The following CDH18 variants were observed in gnomAD, a reference collection of about 807,000 sequenced individuals.
CDH18 encodes the protein cadherin 18.
CDH18 carries 31 observed loss-of-function variants against 67.9 expected under a neutral mutation model. The observed-to-expected ratio is 0.46, with a 90% CI of 0.34 to 0.62. The LOEUF (loss-of-function observed/expected upper bound fraction) is 0.62. Among genes scored for constraint, CDH18 ranks in the 20% least tolerant of loss-of-function variants. The pLI is 0.01. For missense variants in CDH18, 890 were observed against 975.5 expected (o/e 0.91, Z 1.17); for synonymous variants, 362 against 347.2 (o/e 1.04, Z -0.48).
intron 2 of CDH18, among the ~76,000 whole-genome samples, chr5:20,048,393 A>G (rs1422842218): frequency 1.3e-5 from 2 of 151,788 alleles, no homozygotes; most frequent in Admixed American, 6.6e-5. Flanking sequence ...GAAGATAAAC[A>G]CTACCCTCTT....
chr5:20,216,360 G>A (rs542173683), intron 2 of CDH18, among the ~76,000 whole-genome samples: 28 of 151,900 alleles, frequency 1.8e-4, no homozygotes, highest in African/African-American at 6.7e-4. Flanking sequence ...ATGAAGCAAA[G>A]CATTTTATAG....
intron 1 of CDH18, among the ~76,000 whole-genome samples, chr5:20,504,204 A>G (rs1012255676): frequency 6.6e-6 from 1 of 152,038 alleles, no homozygotes; most frequent in Non-Finnish European, 1.5e-5. Flanking sequence ...TCTAAGGATT[A>G]GGTCATCCAG....
intron 1 of CDH18, among the ~76,000 whole-genome samples, chr5:20,326,765 T>G (rs534037326): frequency 6.6e-6 from 1 of 152,256 alleles, no homozygotes; most frequent in South Asian, 2.1e-4. Context: ...ATGGTCTCGA[T>G]CTCCTGACCT....
At chr5:20,368,701 A>T (rs974380262) in intron 1 of CDH18, among the ~76,000 whole-genome samples, 2 of 152,200 alleles carry the variant, frequency 1.3e-5, no homozygotes, top group African/African-American at 4.8e-5. Context: ...TTGGCACAAA[A>T]AGCAAAGCAT....
chr5:20,233,159 AAT>A (rs958110312), intron 2 of CDH18, among the ~76,000 whole-genome samples: 4 of 150,952 alleles, frequency 2.6e-5, no homozygotes, highest in South Asian at 2.1e-4. Context: ...TGTGTATCTG[AAT>A]ATATATATAA....
intron 1 of CDH18, among the ~76,000 whole-genome samples, chr5:20,313,917 T>C (rs941962683): frequency 6.6e-6 from 1 of 152,040 alleles, no homozygotes; most frequent in Non-Finnish European, 1.5e-5. Context: ...AACATGTACA[T>C]TGCTGCCAAA....
chr5:20,503,853 C>A (rs1001339137), intron 1 of CDH18, among the ~76,000 whole-genome samples: 1 of 152,160 alleles, frequency 6.6e-6, no homozygotes, highest in East Asian at 1.9e-4. Context: ...GCCTGGGCAA[C>A]AGGGCGAAAC....
intron 1 of CDH18, among the ~76,000 whole-genome samples, chr5:20,409,526 A>G (rs1476923018): frequency 6.6e-6 from 1 of 151,794 alleles, no homozygotes; most frequent in African/African-American, 2.4e-5. Flanking sequence ...AGCAGTACTA[A>G]GAGGAAAGTT....
chr5:20,447,140 CTTCT>C (rs1268137762), intron 1 of CDH18, among the ~76,000 whole-genome samples: 1 of 151,838 alleles, frequency 6.6e-6, no homozygotes, highest in African/African-American at 2.4e-5. Flanking sequence ...TTTTTCCTTC[CTTCT>C]TTAAATCCTT....
chr5:19,641,364 CA>C (rs1022333057), intron 5 of CDH18, among the ~76,000 whole-genome samples: 1 of 151,808 alleles, frequency 6.6e-6, no homozygotes, highest in African/African-American at 2.4e-5. Context: ...ACCCTGATAC[CA>C]AAATCACACA....
intron 2 of CDH18, among the ~76,000 whole-genome samples, chr5:20,166,478 C>CAAAAG (rs1430021616): frequency 2.7e-5 from 4 of 145,784 alleles, no homozygotes; most frequent in South Asian, 2.2e-4. Context: ...AAGAAAAAGA[C>CAAAAG]AAAAGAAAAG....
intron 1 of CDH18, among the ~76,000 whole-genome samples, chr5:20,490,439 T>C (rs954667086): frequency 2.0e-5 from 3 of 152,128 alleles, no homozygotes; most frequent in Admixed American, 2.0e-4. Flanking sequence ...ATCTTTAATA[T>C]AAAAAGTTGG....
intron 2 of CDH18, among the ~76,000 whole-genome samples, chr5:20,213,337 T>C (rs10052435): frequency 0.11 from 17,202 of 152,068 alleles, 1,380 homozygotes; most frequent in African/African-American, 0.22. Flanking sequence ...ATTAAGGATA[T>C]TGGCATAAAG....
At chr5:20,053,279 T>C (rs1161767893) in intron 2 of CDH18, among the ~76,000 whole-genome samples, 5 of 151,142 alleles carry the variant, frequency 3.3e-5, no homozygotes, top group Non-Finnish European at 7.4e-5. Flanking sequence ...AGTATAGATA[T>C]ATATATATGA....
chr5:19,629,303 A>AT (rs1229956194), intron 5 of CDH18, among the ~76,000 whole-genome samples: 2 of 152,138 alleles, frequency 1.3e-5, no homozygotes, highest in Non-Finnish European at 2.9e-5. Flanking sequence ...AATTTGGGAT[A>AT]TTTTGACTTT....
chr5:20,485,928 T>C (rs529319546), intron 1 of CDH18, among the ~76,000 whole-genome samples: 3 of 152,152 alleles, frequency 2.0e-5, no homozygotes, highest in African/African-American at 7.2e-5. Flanking sequence ...TATAGAAGAG[T>C]ATTAAGCAAA....
chr5:19,828,186 C>A (rs1011585808), intron 3 of CDH18, among the ~76,000 whole-genome samples: 1 of 152,024 alleles, frequency 6.6e-6, no homozygotes, highest in East Asian at 1.9e-4. Flanking sequence ...GAAATTGAAT[C>A]CCTGAATACA....
chr5:19,612,052 TCACAGA>T (rs1398587480), intron 6 of CDH18, among the ~76,000 whole-genome samples: 1 of 151,150 alleles, frequency 6.6e-6, no homozygotes, highest in East Asian at 2.0e-4. Context: ...AAAAATTCAG[TCACAGA>T]ATGTATGGAA....
intron 6 of CDH18, among the ~76,000 whole-genome samples, chr5:19,608,270 T>C (rs1488729986): frequency 6.6e-6 from 1 of 151,606 alleles, no homozygotes; most frequent in East Asian, 1.9e-4. Flanking sequence ...GCTCAAAACG[T>C]TTCAAAATAT....
Sources: allele counts gnomAD v4.1 joint callset (sites outside exome capture counted in the v4.1 genomes callset), GRCh38; gene constraint gnomAD v4.1.1; transcripts MANE v1.5; gene names NCBI Gene and HGNC (gene_info 2026-07-23, HGNC 2026-07-21).